Variants in SOX5 observed in about 807,000 individuals in gnomAD.
SOX5 encodes the protein transcription factor SOX-5.
SOX5 carries 9 observed loss-of-function variants against 92.0 expected under a neutral mutation model. The ratio of observed to expected loss-of-function variants is 0.10; its 90% confidence interval spans 0.06 to 0.17. The LOEUF is 0.17. SOX5 is among the 10% of genes least tolerant of loss of function. The probability of loss-of-function intolerance (pLI) is 1.00; values close to 1 mark genes in which losing one functional copy is unlikely to be tolerated. For missense variants in SOX5, 642 were observed against 944.5 expected, an observed-to-expected ratio of 0.68 and a Z score of 4.20; for synonymous variants, 344 against 336.3, an observed-to-expected ratio of 1.02 and a Z score of -0.25.
chr12:24,003,358 A>C (rs568407576), intron 4 of SOX5, among the ~76,000 whole-genome samples: 1 of 152,116 alleles, frequency 6.6e-6, no homozygotes, highest in South Asian at 2.1e-4. Flanking sequence ...CTGGAAAGTA[A>C]GATGTAAAAC....
chr12:24,534,865 T>C (rs1372918763), intron 1 of SOX5, among the ~76,000 whole-genome samples: 1 of 152,194 alleles, frequency 6.6e-6, no homozygotes, highest in African/African-American at 2.4e-5. Context: ...CCAGAGGGGA[T>C]GCGAGGGCTG....
At chr12:24,336,341 C>T (rs1225265444) in intron 2 of SOX5, among the ~76,000 whole-genome samples, 1 of 152,094 alleles carries the variant, frequency 6.6e-6, no homozygotes, top group African/African-American at 2.4e-5. Flanking sequence ...GATCCGCCTG[C>T]CTTGGCCTCC....
intron 4 of SOX5, among the ~76,000 whole-genome samples, chr12:24,181,351 C>T (rs1955478352): frequency 6.6e-6 from 1 of 152,312 alleles, no homozygotes; most frequent in East Asian, 1.9e-4. Context: ...ATTCTGTCAA[C>T]CAATCCTGCC....
At chr12:23,719,788 C>CAAAA (rs33914230) in intron 6 of SOX5, among the ~76,000 whole-genome samples, 2,773 of 63,264 alleles carry the variant, frequency 0.044, 82 homozygotes, top group East Asian at 0.087. Flanking sequence ...AGCTATTTAC[C>CAAAA]AAAAAAAAAA....
At chr12:23,951,564 T>C (rs6487367), upstream of SOX5, among the ~76,000 whole-genome samples, 110,776 of 152,054 alleles carry the variant, frequency 0.73, 40,543 homozygotes, top group Admixed American at 0.81. Flanking sequence ...TAAATTTATT[T>C]TTCATTCAAA....
chr12:23,549,380 TA>T (rs1314504824), intron 11 of SOX5, among the ~76,000 whole-genome samples: 2 of 151,836 alleles, frequency 1.3e-5, no homozygotes, highest in African/African-American at 4.8e-5. Context: ...TATAATCTGA[TA>T]AAAATCACGG....
chr12:24,370,626 T>C (rs895100570), intron 1 of SOX5, among the ~76,000 whole-genome samples: 1 of 151,960 alleles, frequency 6.6e-6, no homozygotes, highest in Non-Finnish European at 1.5e-5. Context: ...AACCTGTCTC[T>C]ACTAAAAATA....
chr12:23,729,474 A>G (rs1402323257), intron 6 of SOX5, among the ~76,000 whole-genome samples: 1 of 152,208 alleles, frequency 6.6e-6, no homozygotes, highest in East Asian at 1.9e-4. Context: ...GCACACTGCC[A>G]AACTAAGAAT....
chr12:23,600,522 CATATATATATATATAT>C lies in SOX5; in HGVS notation c.1164+3849_1164+3864del, dbSNP rs371480644. ...AAGATAGACCATGGCGGGGGGGGTG[CATATATATATATATAT>C]ATATATATATATATACACATACTTG... On this transcript the variant is annotated intron_variant, in intron 9 of 14. Coordinates refer to ENST00000451604, the MANE Select transcript of SOX5 (RefSeq NM_006940.6). 3.3e-4 allele frequency among the ~76,000 whole-genome samples: 13 copies of C among 39,810 alleles called. 2 individuals are homozygous for C. The highest frequency in any genetic ancestry group is 8.4e-4 in the East Asian group (2 of 2,382). The allele number at this position is 39,810 out of a possible 152,430, so 26.1% of individuals were successfully genotyped here.
At chr12:24,424,441 C>A (rs115543535) in intron 1 of SOX5, among the ~76,000 whole-genome samples, 2 of 152,012 alleles carry the variant, frequency 1.3e-5, no homozygotes, top group Non-Finnish European at 2.9e-5. Flanking sequence ...GAAAACCTTG[C>A]CATAATTGTT....
chr12:23,951,830 G>A (rs1462430386), upstream of SOX5, among the ~76,000 whole-genome samples: 8 of 152,062 alleles, frequency 5.3e-5, no homozygotes, highest in East Asian at 1.4e-3. Flanking sequence ...GGGAAGGGGG[G>A]AAGAATATTA....
At chr12:24,352,662 C>T (rs1954240949) in intron 2 of SOX5, among the ~76,000 whole-genome samples, 1 of 152,122 alleles carries the variant, frequency 6.6e-6, no homozygotes. Context: ...ATATTATGTT[C>T]CTCAGATCTT....
intron 1 of SOX5, among the ~76,000 whole-genome samples, chr12:24,514,022 A>T (rs573191751): frequency 1.3e-5 from 2 of 152,206 alleles, no homozygotes; most frequent in Admixed American, 6.5e-5. Flanking sequence ...CCAGTCTACT[A>T]TCTCTTCTAC....
At chr12:24,466,251 T>C (rs1944224973) in intron 1 of SOX5, among the ~76,000 whole-genome samples, 2 of 151,986 alleles carry the variant, frequency 1.3e-5, no homozygotes, top group African/African-American at 4.8e-5. Context: ...TTCTTTCTTT[T>C]TTTTTTTAAG....
chr12:24,362,572 A>G (rs145949537), intron 2 of SOX5, among the ~76,000 whole-genome samples: 75 of 152,320 alleles, frequency 4.9e-4, no homozygotes, highest in African/African-American at 1.7e-3. Context: ...CAGAATAGAC[A>G]CTATAAACAA....
chr12:23,647,972 G>A (rs761871511), intron 7 of SOX5, among the ~76,000 whole-genome samples: 8 of 152,032 alleles, frequency 5.3e-5, no homozygotes, highest in Admixed American at 2.0e-4. Flanking sequence ...TGTCTGTCTC[G>A]TGCAAGAGGC....
chr12:23,977,771 A>G (rs1399211020), intron 4 of SOX5, among the ~76,000 whole-genome samples: 1 of 138,884 alleles, frequency 7.2e-6, no homozygotes, highest in African/African-American at 2.5e-5. Context: ...GAAAAGAAAA[A>G]AATAAATAAA....
intron 1 of SOX5, among the ~76,000 whole-genome samples, chr12:24,533,995 T>C (rs1324968329): frequency 6.6e-6 from 1 of 152,114 alleles, no homozygotes; most frequent in Non-Finnish European, 1.5e-5. Context: ...GAGGCTCAGA[T>C]CCCAAAGCAT....
At chr12:24,520,950 T>G (rs1440827577) in intron 1 of SOX5, among the ~76,000 whole-genome samples, 2 of 152,126 alleles carry the variant, frequency 1.3e-5, no homozygotes, top group Non-Finnish European at 1.5e-5. Flanking sequence ...CAGGAAGATA[T>G]AACAATTATA....
Sources: gnomAD v4.1 joint callset for allele counts (sites outside exome capture counted in the v4.1 genomes callset) on GRCh38, gnomAD v4.1.1 for gene constraint, MANE v1.5 for transcripts, NCBI Gene and HGNC (gene_info 2026-07-23, HGNC 2026-07-21) for gene names.